Variants in LGSN observed in about 807,000 individuals in gnomAD.
LGSN encodes the protein lengsin, lens protein with glutamine synthetase domain, also known as lengsin.
Under a neutral mutation model 19.5 loss-of-function variants are expected in LGSN, and 21 were observed. The observed-to-expected ratio is 1.07, with a 90% CI of 0.76 to 1.55. The LOEUF (loss-of-function observed/expected upper bound fraction) is 1.55. Among genes scored for constraint, LGSN ranks in the 40% most tolerant of loss-of-function variants. The pLI is 0.00. For synonymous variants in LGSN, 257 were observed against 215.6 expected (o/e 1.19, Z -1.68); for missense variants, 673 against 608.5 (o/e 1.11, Z -1.12).
the LGSN span, among the ~76,000 whole-genome samples, chr6:63,379,216 C>A: frequency 6.6e-6 from 1 of 151,734 alleles, no homozygotes; most frequent in Non-Finnish European, 1.5e-5. Flanking sequence ...TATGGTGTAG[C>A]AGCCTTAAGG....
chr6:63,465,193 G>C, the LGSN span, among the ~76,000 whole-genome samples: 1 of 151,878 alleles, frequency 6.6e-6, no homozygotes, highest in Admixed American at 6.6e-5. Context: ...CTCTTTGTTT[G>C]TTTTGAGATG....
chr6:63,356,801 G>C, the LGSN span, among the ~76,000 whole-genome samples: 19 of 152,150 alleles, frequency 1.2e-4, 1 homozygote, highest in Non-Finnish European at 2.4e-4. Flanking sequence ...CATCTTTATG[G>C]TTACAAAGAA....
At chr6:63,303,368 T>C (rs1467870768) in intron 1 of LGSN, among the ~76,000 whole-genome samples, 1 of 152,206 alleles carries the variant, frequency 6.6e-6, no homozygotes, top group African/African-American at 2.4e-5. Flanking sequence ...GTTTCTCTCA[T>C]GGAACATTCC....
chr6:63,328,700 G>C, the LGSN span, among the ~76,000 whole-genome samples: 1 of 152,234 alleles, frequency 6.6e-6, no homozygotes, highest in South Asian at 2.1e-4. Flanking sequence ...GACGTATAAA[G>C]AGAAGTTCTG....
chr6:63,455,889 A>G, the LGSN span, among the ~76,000 whole-genome samples: 1 of 152,126 alleles, frequency 6.6e-6, no homozygotes, highest in South Asian at 2.1e-4. Flanking sequence ...ACACTGGGCA[A>G]CACAGCGAGA....
At chr6:63,285,449 G>C (rs1767487257) in intron 3 of LGSN, 138 bp downstream of exon 3, 2 of 700,590 alleles carry the variant, frequency 2.9e-6, no homozygotes, top group South Asian at 2.3e-5. Context: ...GGAGGAACAA[G>C]GGAAGAAACA....
upstream of LGSN, among the ~76,000 whole-genome samples, chr6:63,322,696 C>G (rs974418000): frequency 2.0e-5 from 3 of 152,144 alleles, no homozygotes; most frequent in African/African-American, 7.2e-5. Flanking sequence ...TTCATGAATC[C>G]AGTCCCCATT....
chr6:63,455,284 C>T, the LGSN span, among the ~76,000 whole-genome samples: 1 of 152,218 alleles, frequency 6.6e-6, no homozygotes, highest in African/African-American at 2.4e-5. Flanking sequence ...AGCACCCATG[C>T]CCAAGGGCAA....
At chr6:63,283,979 C>A (rs567965576) in intron 3 of LGSN, among the ~76,000 whole-genome samples, 1 of 152,296 alleles carries the variant, frequency 6.6e-6, no homozygotes, top group Non-Finnish European at 1.5e-5. Flanking sequence ...GGATTACAGG[C>A]ATGAGCCACT....
At chr6:63,549,017 G>A in the LGSN span, 13 of 728,178 alleles carry the variant, frequency 1.8e-5, no homozygotes, top group South Asian at 8.6e-5. Context: ...CAACCAGCTC[G>A]ATGGGATCCA....
chr6:63,572,044 G>A, the LGSN span: 4 of 152,284 alleles, frequency 2.6e-5, no homozygotes, highest in Admixed American at 6.5e-5. Context: ...GTAGAAAGCA[G>A]GCTCGACACT....
intron 1 of LGSN, among the ~76,000 whole-genome samples, chr6:63,310,783 G>A (rs1216263435): frequency 2.6e-5 from 4 of 152,156 alleles, no homozygotes; most frequent in African/African-American, 9.7e-5. Flanking sequence ...CCAAATCAGT[G>A]CTGTAAACTG....
At chr6:63,447,662 T>C in the LGSN span, among the ~76,000 whole-genome samples, 4 of 152,224 alleles carry the variant, frequency 2.6e-5, no homozygotes, top group Non-Finnish European at 5.9e-5. Flanking sequence ...TAGCATCCTA[T>C]TCATTTTTCA....
chr6:63,351,850 A>G, the LGSN span, among the ~76,000 whole-genome samples: 3 of 152,196 alleles, frequency 2.0e-5, no homozygotes, highest in African/African-American at 7.2e-5. Flanking sequence ...AATTTTTTAA[A>G]TGATGTTTCA....
At chr6:63,354,710 C>T in the LGSN span, among the ~76,000 whole-genome samples, 3 of 152,076 alleles carry the variant, frequency 2.0e-5, no homozygotes, top group Admixed American at 1.3e-4. Flanking sequence ...GCACTATTCA[C>T]AACAGCAAAG....
At chr6:63,511,246 C>CTTTTTT in the LGSN span, among the ~76,000 whole-genome samples, 34 of 131,448 alleles carry the variant, frequency 2.6e-4, no homozygotes, top group South Asian at 4.9e-4. Context: ...AAATAGATTT[C>CTTTTTT]TTTTTTTTTT....
chr6:63,337,066 G>A, the LGSN span, among the ~76,000 whole-genome samples: 1 of 151,566 alleles, frequency 6.6e-6, no homozygotes, highest in African/African-American at 2.4e-5. Flanking sequence ...TGGGATTACA[G>A]GCACGCACCA....
chr6:63,412,852 G>A, the LGSN span, among the ~76,000 whole-genome samples: 1 of 145,772 alleles, frequency 6.9e-6, no homozygotes, highest in African/African-American at 2.5e-5. Context: ...AAGGAAGGAA[G>A]GGAGAGAGAG....
At chr6:63,567,880 C>G in the LGSN span, among the ~76,000 whole-genome samples, 2 of 152,364 alleles carry the variant, frequency 1.3e-5, no homozygotes, top group South Asian at 4.1e-4. Flanking sequence ...GCACTTACTG[C>G]TTCACCTTTC....
Sources: allele counts gnomAD v4.1 joint callset (sites outside exome capture counted in the v4.1 genomes callset), GRCh38; gene constraint gnomAD v4.1.1; transcripts MANE v1.5; gene names NCBI Gene and HGNC (gene_info 2026-07-23, HGNC 2026-07-21).